Variants in SARS1 observed in about 807,000 individuals in gnomAD.
The protein encoded by SARS1 is seryl-tRNA synthetase 1.
A neutral mutation model predicts 63.7 loss-of-function variants in SARS1; 25 were observed. That is an observed-to-expected ratio of 0.39 (90% CI 0.29 to 0.55). SARS1 has a LOEUF of 0.55. SARS1 is among the 20% of genes least tolerant of loss of function. SARS1 has a pLI of 0.62. For synonymous variants in SARS1, 231 were observed against 243.5 expected, an observed-to-expected ratio of 0.95 and a Z score of 0.48; for missense variants, 417 against 649.7, an observed-to-expected ratio of 0.64 and a Z score of 3.89.
In SARS1 at chr1:109,226,033, C is replaced by T. The variant is rs185710355; in HGVS notation, c.207+1985C>T. On this transcript the variant is annotated intron_variant, in intron 2 of 10. Coordinates refer to ENST00000234677, the MANE Select transcript of SARS1 (RefSeq NM_006513.4). Reference sequence around the variant, plus strand: ...TCTGAGACAAAGCCTCATTTTATTGCCCAGGCTGGAGCGCAGTGGCACAAT... The same window carrying T: ...TCTGAGACAAAGCCTCATTTTATTGTCCAGGCTGGAGCGCAGTGGCACAAT... 2.3e-3 allele frequency among the ~76,000 whole-genome samples: 353 copies of T among 152,200 alleles called. 2 individuals are homozygous for T. The highest frequency in any genetic ancestry group is 4.2e-3 in the Non-Finnish European group (286 of 68,016).
intron 1 of SARS1, among the ~76,000 whole-genome samples, chr1:109,219,365 G>T: frequency 7.4e-6 from 1 of 135,772 alleles, no homozygotes. Context: ...GACATTTACA[G>T]CACACCAGCA....
intron 1 of SARS1, chr1:109,215,340 A>G: frequency 1.0e-6 from 1 of 985,464 alleles, no homozygotes; most frequent in Non-Finnish European, 1.2e-6. Flanking sequence ...TTTTTGTGTC[A>G]GTCCAGCCCT....
Position 109,229,504 on chromosome 1 carries a change from G to A in SARS1, c.379G>A (p.Glu127Lys). Residue 127 changes from glutamate to lysine, a missense_variant, in exon 4 of 11, where the codon GAG (glutamate) becomes AAG (lysine). By Grantham distance (56) the Glu-to-Lys change is moderately conservative. This residue lies in a region of SARS1 where 359 missense variants were observed against 529.6 expected (regional missense o/e 0.68). Coordinates refer to ENST00000234677, the MANE Select transcript of SARS1 (RefSeq NM_006513.4). ...CGCGGAGCGGATAAAGTTGGAAGCA[G>A]AGCGGTTTGAGAACCTCCGAGAGAT... ...CDAERIKLEAERFENLREIGN... is the reference protein window; with the variant it reads ...CDAERIKLEAKRFENLREIGN... 1 of 1,614,230 alleles carries A rather than the reference G, an allele frequency of 6.2e-7. No homozygotes were observed. Among genetic ancestry groups the A allele is most frequent in the Non-Finnish European group, 8.5e-7 (1 of 1,180,038 alleles).
At position 109,237,910 on chromosome 1, in the gene SARS1, C is replaced by G. The variant is rs760373303; in HGVS notation, c.*22C>G. On this transcript the variant is annotated 3_prime_UTR_variant, in exon 11 of 11. Transcript: ENST00000234677. The surrounding 1 kb of genome is among the most constrained non-coding windows in gnomAD (Gnocchi z 4.1). ...TTGAACATTCCTGCCTCCCTATTTG[C>G]CAGGCTTTCATTTCTGTCTGCTGAG... 6 of 1,612,518 alleles carry G rather than the reference C, an allele frequency of 3.7e-6. No individual in the cohort carries two copies. The highest frequency in any genetic ancestry group is 8.5e-7 in the Non-Finnish European group (1 of 1,178,944).
At chr1:109,227,917 CAAAAAAAA>C (rs5776968) in intron 2 of SARS1, among the ~76,000 whole-genome samples, 1 of 121,888 alleles carries the variant, frequency 8.2e-6, no homozygotes, top group Non-Finnish European at 1.7e-5. Flanking sequence ...GAGACTCCGT[CAAAAAAAA>C]AAAAAAAAAA....
Position 109,213,957 on chromosome 1 carries a change from C to A in SARS1, c.-36C>A. 6.3e-7 allele frequency: 1 copy of A among 1,581,356 alleles called. No individual in the cohort carries two copies. Among genetic ancestry groups the A allele is most frequent in the Non-Finnish European group, 8.6e-7 (1 of 1,161,566 alleles). Reference sequence around the variant, plus strand: ...ACAGGCTGAGTGCTGCGGCGCGATCCTTGCTTCCCTGAGCGTTGGCCCGGG... The same window carrying A: ...ACAGGCTGAGTGCTGCGGCGCGATCATTGCTTCCCTGAGCGTTGGCCCGGG... On this transcript the variant is annotated 5_prime_UTR_variant, in exon 1 of 11. Coordinates refer to ENST00000234677, the MANE Select transcript of SARS1 (RefSeq NM_006513.4).
intron 2 of SARS1, among the ~76,000 whole-genome samples, chr1:109,227,746 CAA>C (rs75421685): frequency 2.4e-5 from 3 of 124,468 alleles, no homozygotes; most frequent in African/African-American, 2.9e-5. Context: ...ATTAAAAATA[CAA>C]AAAAAAAAAA....
Position 109,237,011 on chromosome 1 carries a change from A to C in SARS1, c.1258-233A>C. The C allele has an allele frequency of 7.6e-7, 1 of 1,311,490 alleles. No individual in the cohort carries two copies. Among genetic ancestry groups the C allele is most frequent in the Non-Finnish European group, 1.0e-6 (1 of 975,092 alleles). 81.2% of individuals were successfully genotyped at this position (1,311,490 alleles called of 1,614,324 possible). Reference sequence around the variant, plus strand: ...CAAAGGGCCCAACTCTCAGAATACCAGAAGCTACCACTTGTCACTCATCGA... The same window carrying C: ...CAAAGGGCCCAACTCTCAGAATACCCGAAGCTACCACTTGTCACTCATCGA... On this transcript the variant is annotated intron_variant, in intron 9 of 10. Coordinates refer to ENST00000234677, the MANE Select transcript of SARS1 (RefSeq NM_006513.4). The surrounding 1 kb of genome is among the most constrained non-coding windows in gnomAD (Gnocchi z 4.1).
chr1:109,223,753 G>A (rs537408305), intron 1 of SARS1, among the ~76,000 whole-genome samples: 31 of 152,302 alleles, frequency 2.0e-4, no homozygotes, highest in African/African-American at 7.5e-4. Flanking sequence ...GCAGTGAGCC[G>A]AGATTGCACC....
At chr1:109,226,046 G>T (rs751501512) in intron 2 of SARS1, among the ~76,000 whole-genome samples, 4 of 151,568 alleles carry the variant, frequency 2.6e-5, no homozygotes, top group Non-Finnish European at 4.4e-5. Context: ...AGGCTGGAGC[G>T]CAGTGGCACA....
In SARS1 at chr1:109,213,942, T is replaced by A; in HGVS notation, c.-51T>A. On this transcript the variant is annotated 5_prime_UTR_variant, in exon 1 of 11. Coordinates refer to ENST00000234677, the MANE Select transcript of SARS1 (RefSeq NM_006513.4). ...CGCAGTGCGGCGGTCACAGGCTGAG[T>A]GCTGCGGCGCGATCCTTGCTTCCCT... 6.4e-7 allele frequency: 1 copy of A among 1,558,512 alleles called. No homozygotes were observed. The highest frequency in any genetic ancestry group is 8.7e-7 in the Non-Finnish European group (1 of 1,150,214).
intron 5 of SARS1, 50 bp downstream of exon 5, chr1:109,231,071 A>ATT: frequency 1.1e-6 from 1 of 949,426 alleles, no homozygotes; most frequent in Non-Finnish European, 1.3e-6. Flanking sequence ...GAAACAAAAT[A>ATT]TATATATATA....
chr1:109,232,314 A>G (rs1437133551), intron 6 of SARS1, among the ~76,000 whole-genome samples: 1 of 152,232 alleles, frequency 6.6e-6, no homozygotes, highest in Non-Finnish European at 1.5e-5. Flanking sequence ...GTCAAGGTTC[A>G]GAAGGTCATT....
chr1:109,214,862 C>T lies in SARS1; in HGVS notation c.136+734C>T, dbSNP rs1269135086. ...GGGCTAGAACCTGGAACTGCCGGATCTTGGAGTCATATCGGGCATCTATCA... is the reference window on the plus strand; with the variant it reads ...GGGCTAGAACCTGGAACTGCCGGATTTTGGAGTCATATCGGGCATCTATCA... On this transcript the variant is annotated intron_variant, in intron 1 of 10. Transcript: ENST00000234677. This position sits in a 1 kb window ranked among gnomAD's most constrained non-coding sequence, Gnocchi z 4.6. 6.1e-6 allele frequency: 6 copies of T among 985,332 alleles called. No individual in the cohort carries two copies. Among genetic ancestry groups the T allele is most frequent in the Middle Eastern group, 5.2e-4 (1 of 1,936 alleles). 61.0% of individuals were successfully genotyped at this position (985,332 alleles called of 1,614,324 possible). A position where few individuals can be genotyped will look rare whatever the true frequency, so the allele number is the denominator to read the frequency against.
intron 1 of SARS1, among the ~76,000 whole-genome samples, chr1:109,222,002 A>G (rs654469): frequency 8.6e-5 from 1 of 11,644 alleles, no homozygotes; most frequent in Non-Finnish European, 1.3e-4. Flanking sequence ...ATATATATAT[A>G]TATATATATT....
At chr1:109,215,905 T>C (rs768980423) in intron 1 of SARS1, 4 of 437,606 alleles carry the variant, frequency 9.1e-6, no homozygotes, top group Non-Finnish European at 1.2e-5. Flanking sequence ...AGTTTCACCA[T>C]GTTGGCCAGG....
At position 109,232,993 on chromosome 1, in the gene SARS1, A is replaced by AT. The variant is rs34812410; in HGVS notation, c.747+1208dup. ...AATTTTGGCTGGCACTTCTTGTCTG[A>AT]TAAAAACCTCAGTTCTGTAAGAATG... On this transcript the variant is annotated intron_variant, in intron 6 of 10. Coordinates refer to ENST00000234677, the MANE Select transcript of SARS1 (RefSeq NM_006513.4). Among the ~76,000 whole-genome samples, 1,335 of 152,256 alleles carry AT rather than the reference A, an allele frequency of 8.8e-3. 8 individuals carry two copies. The highest frequency in any genetic ancestry group is 0.014 in the Non-Finnish European group (921 of 68,024).
rs762645332 is a variant in SARS1, at chr1:109,229,567, G to A, written c.442G>A (p.Asp148Asn). The change falls in exon 4 of 11, where the codon GAT becomes AAT. Residue 148 changes from aspartate to asparagine, a missense_variant. Transcript: ENST00000234677. Reference sequence around the variant, plus strand: ...GCACCCTTCTGTACCCATCAGTAACGATGAGGTAGGTGGCTGTGCCGCAGC... The same window carrying A: ...GCACCCTTCTGTACCCATCAGTAACAATGAGGTAGGTGGCTGTGCCGCAGC... ...LLHPSVPISN[D>N]EDVDNKVERI... 28 of 1,610,574 alleles carry A rather than the reference G, an allele frequency of 1.7e-5. 1 individual carries two copies. The highest frequency in any genetic ancestry group is 1.7e-4 in the South Asian group (15 of 90,420).
Position 109,230,903 on chromosome 1 carries a change from T to A in SARS1, c.473T>A (p.Ile158Asn). ...GATGTGGACAACAAAGTAGAGAGGA[T>A]TTGGGGTGATTGTACAGTCAGGAAG... The part of the protein sequence containing the change: ...DEDVDNKVER[I>N]WGDCTVRKKY... The change falls in exon 5 of 11, where the codon ATT becomes AAT. Residue 158 changes from isoleucine to asparagine, a missense_variant. Physicochemically the swap from Ile to Asn is moderately radical, Grantham distance 149 (BLOSUM62 -3). Transcript: ENST00000234677. 6.2e-7 allele frequency: 1 copy of A among 1,605,226 alleles called. No individual in the cohort carries two copies. Among genetic ancestry groups the A allele is most frequent in the Non-Finnish European group, 8.5e-7 (1 of 1,175,090 alleles).
Sources: allele counts gnomAD v4.1 joint callset (sites outside exome capture counted in the v4.1 genomes callset), GRCh38; gene constraint gnomAD v4.1.1; regional missense constraint gnomAD v4.1.1; non-coding constraint Gnocchi (gnomAD v3.1); transcripts MANE v1.5; gene names NCBI Gene and HGNC (gene_info 2026-07-23, HGNC 2026-07-21).